CA4: variants seen among roughly 807,000 people sequenced by gnomAD.
CA4 encodes the protein CA-IV.
In CA4, 24 loss-of-function variants were observed where a neutral mutation model predicts 34.5. The ratio of observed to expected loss-of-function variants is 0.70; its 90% CI spans 0.50 to 0.98. The LOEUF (loss-of-function observed/expected upper bound fraction) is 0.98. Among genes scored for constraint, CA4 ranks in the 50% least tolerant of loss-of-function variants. The pLI is 0.00. For missense variants in CA4, 394 were observed against 396.7 expected (o/e 0.99, Z 0.06); for synonymous variants, 178 against 170.6 (o/e 1.04, Z -0.34).
At chr17:60,171,075 G>A (rs1188521564), downstream of CA4, among the ~76,000 whole-genome samples, 2 of 152,202 alleles carry the variant, frequency 1.3e-5, no homozygotes, top group Admixed American at 1.3e-4. Context: ...GAGCATTTAC[G>A]AATCACGAGT....
rs3830362 is a variant in CA4, at chr17:60,155,498, T to TACACACACACACAC, written c.112+144_112+157dup. ...CCCAGGCAGATATCAGTTCCCAGCA[T>TACACACACACACAC]ACACACACACACACACACACACACA... is the stretch of plus-strand genomic sequence containing the variant. On this transcript the variant is annotated intron_variant, in intron 2 of 7. Coordinates refer to ENST00000300900, the MANE Select transcript of CA4 (RefSeq NM_000717.5). 2.3e-3 allele frequency: 1,315 copies of TACACACACACACAC among 570,238 alleles called. 13 individuals are homozygous for TACACACACACACAC. In the African/African-American group the frequency reaches 0.028, roughly 12 times the overall value. The allele number at this position is 570,238 out of a possible 1,614,324, so 35.3% of individuals were successfully genotyped here. A position where few individuals can be genotyped will look rare whatever the true frequency, so the allele number is the denominator to read the frequency against.
chr17:60,162,978 G>A (rs915286141), downstream of CA4, among the ~76,000 whole-genome samples: 7 of 152,204 alleles, frequency 4.6e-5, no homozygotes, highest in African/African-American at 1.4e-4. Context: ...CCAGTGGGCC[G>A]CCTCTTTGGC....
intron 1 of CA4, among the ~76,000 whole-genome samples, chr17:60,154,706 C>T (rs2083647948): frequency 1.3e-5 from 2 of 152,174 alleles, no homozygotes; most frequent in South Asian, 4.1e-4. Flanking sequence ...CAGCCTGTCC[C>T]CAGAGATCAG....
chr17:60,159,606 C>A (rs1418300332), downstream of CA4: 3 of 695,210 alleles, frequency 4.3e-6, no homozygotes, highest in East Asian at 2.7e-5. Flanking sequence ...CCTCCACCCA[C>A]CCCTGTTCCT....
In CA4 at chr17:60,158,389, C is replaced by G. The variant is rs767868852; in HGVS notation, c.687C>G (p.Cys229Trp). The G allele has an allele frequency of 7.4e-6, 12 of 1,614,130 alleles. No homozygotes were observed. Among genetic ancestry groups the G allele is most frequent in the Middle Eastern group, 3.3e-4 (2 of 6,062 alleles). Residue 229 changes from cysteine (C) to tryptophan (W), a missense_variant, in exon 7 of 8, where the codon TGC (cysteine) becomes TGG (tryptophan). Cys to Trp is a radical substitution (Grantham distance 215). Transcript: ENST00000300900. The part of the protein sequence containing the change: ...RYLGSLTTPT[C>W]DEKVVWTVFR... ...TGGGCTCACTCACCACACCGACCTG[C>G]GATGAGAAGGTCGTCTGGACTGTGT...
chr17:60,170,142 C>T (rs1371674458), intron 5 of CA4, among the ~76,000 whole-genome samples: 2 of 152,202 alleles, frequency 1.3e-5, no homozygotes, highest in East Asian at 1.9e-4. Flanking sequence ...TTAAAGCCCA[C>T]GCTACTGGGG....
At chr17:60,165,086 T>C (rs1341571547) in intron 5 of CA4, among the ~76,000 whole-genome samples, 1 of 152,182 alleles carries the variant, frequency 6.6e-6, no homozygotes, top group African/African-American at 2.4e-5. Flanking sequence ...TTATGATGAT[T>C]CTTTTTATTG....
downstream of CA4, among the ~76,000 whole-genome samples, chr17:60,174,183 T>C (rs891952949): frequency 2.6e-5 from 4 of 151,866 alleles, no homozygotes; most frequent in Non-Finnish European, 4.4e-5. Context: ...AACTTTCGTT[T>C]ACAGCTGTTG....
downstream of CA4, among the ~76,000 whole-genome samples, chr17:60,173,089 GC>G (rs907046396): frequency 2.0e-5 from 3 of 152,088 alleles, no homozygotes; most frequent in African/African-American, 7.2e-5. Context: ...GTTGTAGTGA[GC>G]TGGGATCGCT....
intron 5 of CA4, among the ~76,000 whole-genome samples, chr17:60,164,888 A>G (rs953391160): frequency 1.3e-5 from 2 of 151,842 alleles, no homozygotes; most frequent in Non-Finnish European, 2.9e-5. Context: ...CCAGACTCAC[A>G]CCGGCCTGGG....
At chr17:60,173,782 A>G (rs530088559), downstream of CA4, among the ~76,000 whole-genome samples, 1 of 152,312 alleles carries the variant, frequency 6.6e-6, no homozygotes, top group East Asian at 1.9e-4. Flanking sequence ...ATGGGAGAGG[A>G]GGATCTCATA....
intron 1 of CA4, among the ~76,000 whole-genome samples, chr17:60,152,136 G>C (rs1426156942): frequency 6.6e-6 from 1 of 152,148 alleles, no homozygotes; most frequent in African/African-American, 2.4e-5. Context: ...CCTCTGGTCA[G>C]GGTGGATGGA....
intron 5 of CA4, among the ~76,000 whole-genome samples, chr17:60,168,448 A>G (rs1187338200): frequency 3.3e-5 from 1 of 29,890 alleles, no homozygotes; most frequent in Admixed American, 5.7e-4. Context: ...GCAGGTGGGG[A>G]AGGGTGATTT....
chr17:60,156,835 G>A (rs1240686311), intron 3 of CA4, 120 bp downstream of exon 3: 4 of 930,716 alleles, frequency 4.3e-6, no homozygotes, highest in Non-Finnish European at 5.2e-6. Context: ...TGAGGTGGCT[G>A]AAAATCCCAT....
downstream of CA4, among the ~76,000 whole-genome samples, chr17:60,161,674 T>G (rs1598000647): frequency 7.4e-6 from 1 of 134,638 alleles, no homozygotes; most frequent in Admixed American, 7.6e-5. Context: ...CCCTCCCTCC[T>G]CCCTTTCCCT....
At chr17:60,170,533 A>G (rs1238275306) in intron 5 of CA4, 1 of 152,212 alleles carries the variant, frequency 6.6e-6, no homozygotes, top group East Asian at 1.9e-4. Flanking sequence ...ATCCCCCTCA[A>G]TTCTTCTTTC....
chr17:60,175,852 C>T (rs1319624450), downstream of CA4, among the ~76,000 whole-genome samples: 2 of 145,960 alleles, frequency 1.4e-5, no homozygotes, highest in Admixed American at 6.9e-5. Flanking sequence ...GAGTTTCGCT[C>T]GTTTCCCAGG....
At position 60,159,409 on chromosome 17, in the gene CA4, C is replaced by T. The variant is rs1000661685; in HGVS notation, c.924C>T (p.Ala308=). The T allele has an allele frequency of 8.7e-6, 14 of 1,611,750 alleles. No individual in the cohort carries two copies. Among genetic ancestry groups the T allele is most frequent in the African/African-American group, 2.7e-5 (2 of 74,902 alleles). Residue 308 remains alanine (A), a synonymous_variant, in exon 8 of 8, where the codon GCC becomes GCT. Transcript: ENST00000300900. ...LLGPMLACLL[A]GFLR ...GCCCCATGCTGGCCTGCCTGCTGGC[C>T]GGCTTCCTGCGATGATGGCTCACTT...
downstream of CA4, among the ~76,000 whole-genome samples, chr17:60,164,206 C>T (rs2083829215): frequency 5.5e-5 from 6 of 109,006 alleles, no homozygotes; most frequent in Admixed American, 1.1e-4. Context: ...TTCTTTCTTT[C>T]TTTTTTTCTT....
Sources: gnomAD v4.1 joint callset for allele counts (sites outside exome capture counted in the v4.1 genomes callset) on GRCh38, gnomAD v4.1.1 for gene constraint, MANE v1.5 for transcripts, NCBI Gene and HGNC (gene_info 2026-07-23, HGNC 2026-07-21) for gene names.